The following DAPP1 variants were observed in gnomAD, a reference collection of about 807,000 sequenced individuals.
DAPP1 encodes dual adaptor of phosphotyrosine and 3-phosphoinositides 1, also known as dual adapter for phosphotyrosine and 3-phosphotyrosine and 3-phosphoinositide.
A neutral mutation model predicts 41.5 loss-of-function variants in DAPP1; 20 were observed. The ratio of observed to expected loss-of-function variants is 0.48; its 90% CI spans 0.34 to 0.70. The LOEUF is 0.70. Ranked by LOEUF, DAPP1 falls within the 30% of genes least tolerant of loss-of-function variation. DAPP1 has a pLI of 0.01. For synonymous variants in DAPP1, 113 were observed against 116.2 expected, an observed-to-expected ratio of 0.97 and a Z score of 0.18; for missense variants, 233 against 333.4, an observed-to-expected ratio of 0.70 and a Z score of 2.35.
At position 99,861,604 on chromosome 4, in the gene DAPP1, C is replaced by A; in HGVS notation, c.516C>A (p.Thr172=). The change falls in exon 5 of 9, where the codon ACC becomes ACA. Residue 172 remains threonine (T), a synonymous_variant. Transcript: ENST00000512369. ...TGGGCACCAAAGAAGGTTACCTCACCAAACAGGGAGGCCTGGTCAAGGTAA... is the reference window on the plus strand; with the variant it reads ...TGGGCACCAAAGAAGGTTACCTCACAAAACAGGGAGGCCTGGTCAAGGTAA... The part of the protein sequence containing the change: ...PSLGTKEGYL[T]KQGGLVKTWK... 1 of 1,574,378 alleles carries A rather than the reference C, an allele frequency of 6.4e-7. No individual in the cohort carries two copies. The highest frequency in any genetic ancestry group is 1.8e-5 in the Admixed American group (1 of 54,094).
At chr4:99,833,986 A>G (rs1469515252) in intron 1 of DAPP1, among the ~76,000 whole-genome samples, 1 of 152,166 alleles carries the variant, frequency 6.6e-6, no homozygotes, top group East Asian at 1.9e-4. Context: ...AAACATGAGG[A>G]ACCAAAGCTC....
chr4:99,835,572 G>C, intron 1 of DAPP1, 51 bp from the exon 2 acceptor site: 6 of 1,599,170 alleles, frequency 3.8e-6, no homozygotes, highest in Non-Finnish European at 5.1e-6. Context: ...AGTGCAGGGG[G>C]AGTCATGCCA....
chr4:99,838,728 C>A (rs1010365580), intron 2 of DAPP1, among the ~76,000 whole-genome samples: 1 of 152,180 alleles, frequency 6.6e-6, no homozygotes, highest in African/African-American at 2.4e-5. Flanking sequence ...CAGTCTGCAG[C>A]CCCAGGATAG....
chr4:99,829,480 CAA>C (rs757100446), intron 1 of DAPP1, among the ~76,000 whole-genome samples: 1 of 141,140 alleles, frequency 7.1e-6, no homozygotes. Context: ...AACTCCGTCT[CAA>C]AAAAAAAAAG....
chr4:99,835,687 G>T lies in DAPP1; in HGVS notation c.166G>T (p.Gly56Cys). The change falls in exon 2 of 9, where the codon GGC (glycine) becomes TGC (cysteine). Residue 56 changes from glycine (G) to cysteine (C), a missense_variant. Gly to Cys is a radical substitution (Grantham distance 159). Transcript: ENST00000512369. ...EALLLSNGCD[G>C]SYLLRDSNET... ...TCTTCTCCTCTCAAATGGATGTGAC[G>T]GCAGCTACCTTCTGAGGGACAGCAA... is the stretch of plus-strand genomic sequence containing the variant. The T allele has an allele frequency of 6.2e-7, 1 of 1,613,808 alleles. No homozygotes were observed. Among genetic ancestry groups the T allele is most frequent in the Non-Finnish European group, 8.5e-7 (1 of 1,179,844 alleles).
intron 8 of DAPP1, among the ~76,000 whole-genome samples, 162 bp downstream of exon 8, chr4:99,866,283 A>C (rs1203137366): frequency 6.6e-6 from 1 of 152,072 alleles, no homozygotes; most frequent in Non-Finnish European, 1.5e-5. Flanking sequence ...CTTCTGGGAC[A>C]TGAGAAGAGA....
At chr4:99,836,740 C>A (rs1017059142) in intron 2 of DAPP1, among the ~76,000 whole-genome samples, 1 of 152,192 alleles carries the variant, frequency 6.6e-6, no homozygotes, top group Admixed American at 6.5e-5. Flanking sequence ...CTTCTATATT[C>A]ATTTTCTATG....
At chr4:99,837,163 G>C (rs1232584026) in intron 2 of DAPP1, among the ~76,000 whole-genome samples, 2 of 152,234 alleles carry the variant, frequency 1.3e-5, no homozygotes, top group African/African-American at 4.8e-5. Context: ...GGGCTCATGT[G>C]ATTAGTTCAG....
intron 1 of DAPP1, among the ~76,000 whole-genome samples, chr4:99,823,708 A>G (rs764660509): frequency 7.2e-5 from 11 of 152,192 alleles, no homozygotes; most frequent in Non-Finnish European, 1.5e-4. Context: ...TTACATAGTC[A>G]TCATGTTTTG....
intron 1 of DAPP1, among the ~76,000 whole-genome samples, chr4:99,832,357 A>G (rs1008128887): frequency 2.0e-5 from 3 of 152,244 alleles, no homozygotes; most frequent in African/African-American, 7.2e-5. Context: ...TAGGATATAC[A>G]TTCACTCCCC....
chr4:99,849,423 C>T (rs943099328), intron 3 of DAPP1, among the ~76,000 whole-genome samples: 1 of 152,152 alleles, frequency 6.6e-6, no homozygotes, highest in African/African-American at 2.4e-5. Context: ...ATGTCAGAAA[C>T]TCTATCAAGT....
chr4:99,871,586 G>A (rs1212358160), downstream of DAPP1, among the ~76,000 whole-genome samples: 1 of 152,090 alleles, frequency 6.6e-6, no homozygotes, highest in African/African-American at 2.4e-5. Context: ...CTTAAAACTG[G>A]CATTTCTGTA....
intron 4 of DAPP1, among the ~76,000 whole-genome samples, chr4:99,859,765 C>A (rs1335686168): frequency 6.6e-6 from 1 of 152,230 alleles, no homozygotes; most frequent in African/African-American, 2.4e-5. Context: ...CCTAGCCCAA[C>A]TTGGCTCTGA....
At chr4:99,851,285 A>G (rs1723848308) in intron 3 of DAPP1, among the ~76,000 whole-genome samples, 1 of 152,216 alleles carries the variant, frequency 6.6e-6, no homozygotes, top group East Asian at 1.9e-4. Context: ...GACGGTTCTG[A>G]TAATGGCAAA....
Position 99,816,948 on chromosome 4 carries a change from G to C in DAPP1, c.35G>C (p.Ser12Thr), listed in dbSNP as rs1266285786. Reference protein sequence around the residue: ...GRAELLEGKMSTQDPSDLWSR... With the variant: ...GRAELLEGKMTTQDPSDLWSR... The stretch of plus-strand genomic sequence containing the variant: ...GCAGAACTTCTAGAAGGGAAGATGA[G>C]CACCCAGGATCCCTCAGATCTGTGG... The change falls in exon 1 of 9, where the codon AGC (serine) becomes ACC (threonine). Residue 12 changes from serine (S) to threonine (T), a missense_variant. Physicochemically the swap from Ser to Thr is moderately conservative, Grantham distance 58. Transcript: ENST00000512369. 14 of 1,609,228 alleles carry C rather than the reference G, an allele frequency of 8.7e-6. No individual in the cohort carries two copies. The highest frequency in any genetic ancestry group is 6.7e-5 in the Admixed American group (4 of 59,436).
In DAPP1 at chr4:99,816,956, G is replaced by A. The variant is rs192454033; in HGVS notation, c.43G>A (p.Asp15Asn). Residue 15 changes from aspartate to asparagine, a missense_variant, in exon 1 of 9, where the codon GAT becomes AAT. Coordinates refer to ENST00000512369, the MANE Select transcript of DAPP1 (RefSeq NM_014395.3). Reference sequence around the variant, plus strand: ...TCTAGAAGGGAAGATGAGCACCCAGGATCCCTCAGATCTGTGGAGCAGATC... The same window carrying A: ...TCTAGAAGGGAAGATGAGCACCCAGAATCCCTCAGATCTGTGGAGCAGATC... ...ELLEGKMSTQ[D>N]PSDLWSRSDG... The A allele has an allele frequency of 1.4e-5, 22 of 1,609,048 alleles. No homozygotes were observed. Among genetic ancestry groups the A allele is most frequent in the Admixed American group, 1.2e-4 (7 of 59,392 alleles).
At chr4:99,838,002 G>A (rs1378838799) in intron 2 of DAPP1, among the ~76,000 whole-genome samples, 2 of 152,128 alleles carry the variant, frequency 1.3e-5, no homozygotes, top group African/African-American at 4.8e-5. Context: ...CTGATAGGAG[G>A]TGGAGCTCAT....
chr4:99,835,794 T>C, intron 2 of DAPP1, 49 bp downstream of exon 2: 4 of 1,593,760 alleles, frequency 2.5e-6, no homozygotes, highest in Non-Finnish European at 2.6e-6. Context: ...CCTCTGTCAC[T>C]TACTGACTTT....
At chr4:99,839,303 G>C (rs538215708) in intron 2 of DAPP1, among the ~76,000 whole-genome samples, 1 of 151,742 alleles carries the variant, frequency 6.6e-6, no homozygotes, top group South Asian at 2.1e-4. Flanking sequence ...ATAGCAGGAA[G>C]TGAGGCTAGA....
Sources: allele counts gnomAD v4.1 joint callset (sites outside exome capture counted in the v4.1 genomes callset), GRCh38; gene constraint gnomAD v4.1.1; transcripts MANE v1.5; gene names NCBI Gene and HGNC (gene_info 2026-07-23, HGNC 2026-07-21).